Variants in CNPY4 observed in about 807,000 individuals in gnomAD.
CNPY4 encodes the protein canopy FGF signaling regulator 4, also known as protein canopy homolog 4.
CNPY4 carries 33 observed loss-of-function variants against 30.1 expected under a neutral mutation model. That is an observed-to-expected ratio of 1.10 (90% CI 0.83 to 1.46). The LOEUF is 1.46. CNPY4 is among the 40% of genes most tolerant of loss of function. The pLI, the probability that CNPY4 is intolerant of heterozygous loss-of-function variation, is 0.00. For missense variants in CNPY4, 324 were observed against 302.6 expected (o/e 1.07, Z -0.52); for synonymous variants, 109 against 110.1 (o/e 0.99, Z 0.06).
chr7:100,124,946 C>T lies in CNPY4; in HGVS notation c.*58C>T. On this transcript the variant is annotated 3_prime_UTR_variant, in exon 6 of 6. Coordinates refer to ENST00000262932, the MANE Select transcript of CNPY4 (RefSeq NM_152755.2). ...ATCATGGAGAGCCCTCTAAAGCCTG[C>T]ACTCTCCCTGCTCCACAGCTTTCAG... The T allele has an allele frequency of 1.3e-6, 2 of 1,518,128 alleles. No homozygotes were observed. The highest frequency in any genetic ancestry group is 2.3e-5 in the East Asian group (1 of 44,198). The allele number at this position is 1,518,128 out of a possible 1,614,324, so 94.0% of individuals were successfully genotyped here.
At chr7:100,121,116 A>ATATATT (rs1584585316) in intron 1 of CNPY4, 5 of 52,774 alleles carry the variant, frequency 9.5e-5, no homozygotes, top group East Asian at 4.9e-4. Flanking sequence ...ATATATATAT[A>ATATATT]TTTTTTTTTT....
intron 4 of CNPY4, among the ~76,000 whole-genome samples, chr7:100,124,125 A>G (rs1798153405): frequency 6.6e-6 from 1 of 151,106 alleles, no homozygotes; most frequent in Non-Finnish European, 1.5e-5. Flanking sequence ...TGACAGAGCG[A>G]GACTCCATCT....
chr7:100,121,112 ATATATTTTTTTTTTTTTTTTTT>A (rs1376803491), intron 1 of CNPY4: 3 of 30,716 alleles, frequency 9.8e-5, no homozygotes, highest in Non-Finnish European at 1.8e-4. Context: ...ATATATATAT[ATATATTTTTTTTTTTTTTTTTT>A]TTTTTTTTTT....
chr7:100,123,395 G>A (rs546304578), intron 4 of CNPY4, among the ~76,000 whole-genome samples: 1 of 152,170 alleles, frequency 6.6e-6, no homozygotes, highest in African/African-American at 2.4e-5. Context: ...TGAGCCGGGT[G>A]GAGTGGCTCA....
In CNPY4 at chr7:100,122,878, G is replaced by C. The variant is rs771927693; in HGVS notation, c.437G>C (p.Ser146Thr). 23 of 1,613,562 alleles carry C rather than the reference G, an allele frequency of 1.4e-5. No individual in the cohort carries two copies. The highest frequency in any genetic ancestry group is 1.9e-5 in the Non-Finnish European group (23 of 1,179,934). ...GIPLELWDEP[S>T]VEVTYLKKQC... ...CCTCTGGAGCTTTGGGATGAGCCCA[G>C]CGTGGAGGTCACATACCTCAAGAAG... is the stretch of plus-strand genomic sequence containing the variant. Residue 146 changes from serine to threonine, a missense_variant, in exon 4 of 6, where the codon AGC becomes ACC. Ser to Thr is a moderately conservative substitution (Grantham distance 58). Transcript: ENST00000262932.
At chr7:100,121,748 C>T (rs961246575) in intron 1 of CNPY4, among the ~76,000 whole-genome samples, 1 of 150,016 alleles carries the variant, frequency 6.7e-6, no homozygotes, top group Non-Finnish European at 1.5e-5. Context: ...CCTATTATCC[C>T]ATTATAAAGA....
chr7:100,124,508 G>T lies in CNPY4; in HGVS notation c.466-6G>T. On this transcript the variant is annotated splice_region_variant and splice_polypyrimidine_tract_variant and intron_variant, in intron 4 of 5. Coordinates refer to ENST00000262932, the MANE Select transcript of CNPY4 (RefSeq NM_152755.2). ...AGATACTCTTCTGGCCCTTCTACTT[G>T]ACCAGTGTGAGACCATGTTGGAGGA... is the stretch of plus-strand genomic sequence containing the variant. 1.2e-6 allele frequency: 2 copies of T among 1,604,604 alleles called. No individual in the cohort carries two copies. Among genetic ancestry groups the T allele is most frequent in the South Asian group, 2.2e-5 (2 of 90,750 alleles).
In CNPY4 at chr7:100,119,876, G is replaced by A; in HGVS notation, c.118+14G>A. 6.2e-7 allele frequency: 1 copy of A among 1,605,148 alleles called. No homozygotes were observed. Among genetic ancestry groups the A allele is most frequent in the Middle Eastern group, 1.7e-4 (1 of 5,920 alleles). On this transcript the variant is annotated intron_variant, in intron 1 of 5. Coordinates refer to ENST00000262932, the MANE Select transcript of CNPY4 (RefSeq NM_152755.2). ...GCAAATGCGAAGGTATTTGAAGGGG[G>A]TAGCCCCTATAGGCATCGCCCGGCC...
Position 100,124,520 on chromosome 7 carries a change from A to G in CNPY4, c.472A>G (p.Thr158Ala). The stretch of plus-strand genomic sequence containing the variant: ...GGCCCTTCTACTTGACCAGTGTGAG[A>G]CCATGTTGGAGGAGTTTGAAGACAT... ...EVTYLKKQCE[T>A]MLEEFEDIVG... Residue 158 changes from threonine to alanine, a missense_variant, in exon 5 of 6, where the codon ACC becomes GCC. Physicochemically the swap from Thr to Ala is moderately conservative, Grantham distance 58 (BLOSUM62 0). Transcript: ENST00000262932. 1 of 1,611,384 alleles carries G rather than the reference A, an allele frequency of 6.2e-7. No homozygotes were observed. The highest frequency in any genetic ancestry group is 1.1e-5 in the South Asian group (1 of 90,972).
chr7:100,121,116 A>ATATATATTTTTTTTTTTTTT (rs1584585316), intron 1 of CNPY4: 3 of 52,802 alleles, frequency 5.7e-5, no homozygotes, highest in Admixed American at 2.7e-4. Flanking sequence ...ATATATATAT[A>ATATATATTTTTTTTTTTTTT]TTTTTTTTTT....
chr7:100,124,486 T>C, intron 4 of CNPY4, 28 bp from the exon 5 acceptor site: 2 of 1,543,398 alleles, frequency 1.3e-6, no homozygotes, highest in Non-Finnish European at 1.8e-6. Flanking sequence ...CCAGAGCAGA[T>C]ACTCTTCTGG....
chr7:100,119,634 C>T lies in CNPY4; in HGVS notation c.-111C>T, dbSNP rs1797961166. ...GGGCTGATCCTGCGCATGCGCCGAC[C>T]TTCCTCGGCTGGATTTAAGGTTGCC... On this transcript the variant is annotated 5_prime_UTR_variant, in exon 1 of 6. Transcript: ENST00000262932. 1 of 1,598,844 alleles carries T rather than the reference C, an allele frequency of 6.3e-7. No individual in the cohort carries two copies. The highest frequency in any genetic ancestry group is 8.5e-7 in the Non-Finnish European group (1 of 1,172,290).
At chr7:100,123,003 G>A in intron 4 of CNPY4, 97 bp downstream of exon 4, 1 of 1,347,522 alleles carries the variant, frequency 7.4e-7, no homozygotes, top group Non-Finnish European at 1.0e-6. Context: ...CTACCCCTAA[G>A]CATGGGGAAG....
chr7:100,123,829 A>T (rs1210770664), intron 4 of CNPY4, among the ~76,000 whole-genome samples: 2 of 152,112 alleles, frequency 1.3e-5, no homozygotes, highest in African/African-American at 4.8e-5. Context: ...CTTAAGGAAA[A>T]TTTTTAAAAA....
At chr7:100,122,636 G>C in intron 3 of CNPY4, 59 bp downstream of exon 3, 1 of 1,530,238 alleles carries the variant, frequency 6.5e-7, no homozygotes, top group Non-Finnish European at 8.9e-7. Context: ...TGTATCCCCT[G>C]AGGCCCTCCA....
At chr7:100,122,703 T>C (rs1368867806) in intron 3 of CNPY4, 81 bp from the exon 4 acceptor site, 54 of 1,556,886 alleles carry the variant, frequency 3.5e-5, no homozygotes, top group East Asian at 4.5e-5. Context: ...TCTCCAGTAG[T>C]TGACAAAACT....
chr7:100,125,155 A>C lies in CNPY4; in HGVS notation c.*267A>C, dbSNP rs1417622638. 2.5e-6 allele frequency: 1 copy of C among 402,532 alleles called. No homozygotes were observed. Among genetic ancestry groups the C allele is most frequent in the East Asian group, 4.0e-5 (1 of 25,108 alleles). The allele number at this position is 402,532 out of a possible 1,614,324, so 24.9% of individuals were successfully genotyped here. ...CAGGTGTATGTGCTGACAGTACTGA[A>C]AGCTTTCCTCTTTAACTGATCCCAC... On this transcript the variant is annotated 3_prime_UTR_variant, in exon 6 of 6. Coordinates refer to ENST00000262932, the MANE Select transcript of CNPY4 (RefSeq NM_152755.2).
At chr7:100,120,076 G>T in intron 1 of CNPY4, 1 of 461,054 alleles carries the variant, frequency 2.2e-6, no homozygotes, top group Non-Finnish European at 3.8e-6. Context: ...TTTTTTGGCT[G>T]GCTTGGAACC....
At chr7:100,124,379 C>T in intron 4 of CNPY4, 135 bp from the exon 5 acceptor site, 1 of 658,530 alleles carries the variant, frequency 1.5e-6, no homozygotes, top group Admixed American at 2.4e-5. Context: ...ATGAGGATTG[C>T]ACATCTAGTA....
Sources: allele counts gnomAD v4.1 joint callset (sites outside exome capture counted in the v4.1 genomes callset), GRCh38; gene constraint gnomAD v4.1.1; transcripts MANE v1.5; gene names NCBI Gene and HGNC (gene_info 2026-07-23, HGNC 2026-07-21).